Variants in AADACL4 observed in about 807,000 individuals in gnomAD.
AADACL4 encodes arylacetamide deacetylase-like 4.
AADACL4 carries 9 observed loss-of-function variants against 14.1 expected under a neutral mutation model. That is an observed-to-expected ratio of 0.64 (90% confidence interval 0.39 to 1.12). The LOEUF (loss-of-function observed/expected upper bound fraction) is 1.12. AADACL4 is among the 50% of genes most tolerant of loss of function. The pLI, the probability that AADACL4 is intolerant of heterozygous loss-of-function variation, is 0.01. For synonymous variants in AADACL4, 188 were observed against 201.6 expected (o/e 0.93, Z 0.57); for missense variants, 531 against 516.1 (o/e 1.03, Z -0.28).
intron 2 of AADACL4, among the ~76,000 whole-genome samples, chr1:12,658,572 TCTC>T (rs1647202348): frequency 6.6e-6 from 1 of 152,082 alleles, no homozygotes; most frequent in African/African-American, 2.4e-5. Context: ...AATTTTCTAT[TCTC>T]CTGTAACCAC....
Position 12,665,460 on chromosome 1 carries a change from C to T in AADACL4, c.450-501C>T, listed in dbSNP as rs937589896. Reference sequence around the variant, plus strand: ...CAGGATGGTCTCGATCTCCTGACCTCGTGATCCACCCGCCTTGGCCTCCCA... The same window carrying T: ...CAGGATGGTCTCGATCTCCTGACCTTGTGATCCACCCGCCTTGGCCTCCCA... On this transcript the variant is annotated intron_variant, in intron 3 of 3. Transcript: ENST00000376221. 2.6e-5 allele frequency among the ~76,000 whole-genome samples: 4 copies of T among 152,128 alleles called. No homozygotes were observed. The East Asian group carries it at 7.7e-4, about 29-fold the overall frequency.
intron 1 of AADACL4, among the ~76,000 whole-genome samples, chr1:12,650,134 C>A (rs1647136283): frequency 6.6e-6 from 1 of 152,220 alleles, no homozygotes; most frequent in Non-Finnish European, 1.5e-5. Context: ...TCATTCTTAT[C>A]ATTCCTTGCT....
Position 12,644,520 on chromosome 1 carries a change from G to T in AADACL4, c.-27G>T, listed in dbSNP as rs772058932. On this transcript the variant is annotated 5_prime_UTR_variant, in exon 1 of 4. Coordinates refer to ENST00000376221, the MANE Select transcript of AADACL4 (RefSeq NM_001013630.2). The stretch of plus-strand genomic sequence containing the variant: ...TAAGCTATCAGACAAGCTCCTCAGG[G>T]CAGCAGCTCCTCAAGGCCCCAGGAA... 1 of 1,610,748 alleles carries T rather than the reference G, an allele frequency of 6.2e-7. No homozygotes were observed. Among genetic ancestry groups the T allele is most frequent in the Non-Finnish European group, 8.5e-7 (1 of 1,178,566 alleles).
At chr1:12,651,400 C>T in intron 2 of AADACL4, 61 bp downstream of exon 2, 13 of 1,543,784 alleles carry the variant, frequency 8.4e-6, no homozygotes, top group Non-Finnish European at 1.2e-5. Context: ...TAGCCTAGCT[C>T]ATGCCTCCCG....
chr1:12,655,997 A>G (rs555798870), intron 2 of AADACL4, among the ~76,000 whole-genome samples: 160 of 152,220 alleles, frequency 1.1e-3, no homozygotes, highest in African/African-American at 3.6e-3. Flanking sequence ...ATTGCACCCT[A>G]TTTTCCAACT....
At chr1:12,658,923 T>G (rs1647205300) in intron 2 of AADACL4, among the ~76,000 whole-genome samples, 1 of 152,212 alleles carries the variant, frequency 6.6e-6, no homozygotes, top group Admixed American at 6.5e-5. Context: ...GCAAGAAGTT[T>G]TGTTTGTTGC....
chr1:12,660,008 G>A (rs939068233), intron 2 of AADACL4, among the ~76,000 whole-genome samples: 18 of 152,144 alleles, frequency 1.2e-4, no homozygotes, highest in South Asian at 2.1e-4. Flanking sequence ...TTGTAGAGAC[G>A]GCATTTCCCT....
intron 3 of AADACL4, 87 bp downstream of exon 3, chr1:12,661,941 C>G: frequency 7.0e-7 from 1 of 1,434,518 alleles, no homozygotes; most frequent in Non-Finnish European, 9.8e-7. Flanking sequence ...CAGAGAGGCC[C>G]TAACTCCCAA....
intron 3 of AADACL4, 104 bp downstream of exon 3, chr1:12,661,958 A>G (rs1201711936): frequency 8.1e-7 from 1 of 1,237,250 alleles, no homozygotes; most frequent in Middle Eastern, 2.0e-4. Context: ...CCAAGAGGCA[A>G]CTCTTGGACA....
intron 1 of AADACL4, among the ~76,000 whole-genome samples, chr1:12,645,315 T>A (rs1351426549): frequency 7.2e-6 from 1 of 139,082 alleles, no homozygotes; most frequent in African/African-American, 2.6e-5. Flanking sequence ...TCCCTCCTTT[T>A]GTTCCGTTCT....
chr1:12,646,075 A>G (rs1253291808), intron 1 of AADACL4, among the ~76,000 whole-genome samples: 1 of 152,190 alleles, frequency 6.6e-6, no homozygotes, highest in East Asian at 1.9e-4. Context: ...TGTTTGTGGC[A>G]GGCAACCTGA....
chr1:12,655,604 C>T (rs1647175867), intron 2 of AADACL4, among the ~76,000 whole-genome samples: 2 of 151,840 alleles, frequency 1.3e-5, no homozygotes, highest in African/African-American at 2.4e-5. Flanking sequence ...GCTGTTAGGC[C>T]CGTTTCACCA....
chr1:12,651,945 C>G (rs1264888327), intron 2 of AADACL4, among the ~76,000 whole-genome samples: 2 of 151,710 alleles, frequency 1.3e-5, no homozygotes, highest in African/African-American at 4.9e-5. Context: ...TCTCCTGCCT[C>G]AGCCTCCCAA....
chr1:12,651,890 G>A lies in AADACL4; in HGVS notation c.385+551G>A, dbSNP rs113079688. On this transcript the variant is annotated intron_variant, in intron 2 of 3. Coordinates refer to ENST00000376221, the MANE Select transcript of AADACL4 (RefSeq NM_001013630.2). ...GTCGCTCAGGCTGGAGTGCAGTGGCGTGATCTCGGCTCACTGCAAGCTGCG... is the reference window on the plus strand; with the variant it reads ...GTCGCTCAGGCTGGAGTGCAGTGGCATGATCTCGGCTCACTGCAAGCTGCG... Among the ~76,000 whole-genome samples, 755 of 149,082 alleles carry A rather than the reference G, an allele frequency of 5.1e-3. 14 individuals carry two copies. The highest frequency in any genetic ancestry group is 0.018 in the African/African-American group (719 of 39,948).
chr1:12,656,446 T>A (rs1647179433), intron 2 of AADACL4, among the ~76,000 whole-genome samples: 1 of 152,126 alleles, frequency 6.6e-6, no homozygotes, highest in African/African-American at 2.4e-5. Flanking sequence ...CTTGCTGATA[T>A]CCATCTGAAC....
chr1:12,659,245 G>A (rs1416144907), intron 2 of AADACL4, among the ~76,000 whole-genome samples: 1 of 152,206 alleles, frequency 6.6e-6, no homozygotes, highest in African/African-American at 2.4e-5. Context: ...TCATGGACCT[G>A]ACAGTCACCT....
intron 1 of AADACL4, among the ~76,000 whole-genome samples, chr1:12,648,738 C>G (rs1647127809): frequency 6.6e-6 from 1 of 152,038 alleles, no homozygotes; most frequent in Non-Finnish European, 1.5e-5. Flanking sequence ...CTCGATGCTC[C>G]CATGTATAAT....
intron 2 of AADACL4, among the ~76,000 whole-genome samples, chr1:12,657,140 CAAAAAAAA>C (rs59777423): frequency 2.0e-5 from 1 of 51,122 alleles, no homozygotes; most frequent in South Asian, 7.0e-4. Flanking sequence ...AAGACTGTCT[CAAAAAAAA>C]AAAAAAAAAA....
chr1:12,647,996 T>G (rs1233693536), intron 1 of AADACL4, among the ~76,000 whole-genome samples: 5 of 151,956 alleles, frequency 3.3e-5, no homozygotes, highest in African/African-American at 1.2e-4. Flanking sequence ...GATGGAGTCT[T>G]GCTCTGTCAC....
Sources: gnomAD v4.1 joint callset for allele counts (sites outside exome capture counted in the v4.1 genomes callset) on GRCh38, gnomAD v4.1.1 for gene constraint, MANE v1.5 for transcripts, NCBI Gene and HGNC (gene_info 2026-07-23, HGNC 2026-07-21) for gene names.